Variants in MDGA2 observed in about 807,000 individuals in gnomAD.
MDGA2 encodes MAM domain containing glycosylphosphatidylinositol anchor 2, also known as MAM domain-containing glycosylphosphatidylinositol anchor protein 2.
A neutral mutation model predicts 117.8 loss-of-function variants in MDGA2; 40 were observed. The ratio of observed to expected loss-of-function variants is 0.34; its 90% CI spans 0.26 to 0.44. MDGA2 has a LOEUF of 0.44. Among genes scored for constraint, MDGA2 ranks in the 20% least tolerant of loss-of-function variants. The probability of loss-of-function intolerance (pLI) is 1.00; values close to 1 mark genes in which losing one functional copy is unlikely to be tolerated. For missense variants in MDGA2, 1,123 were observed against 1,250.6 expected, an observed-to-expected ratio of 0.90 and a Z score of 1.54; for synonymous variants, 452 against 439.0, an observed-to-expected ratio of 1.03 and a Z score of -0.37.
At chr14:47,431,407 A>C (rs1892796307) in intron 1 of MDGA2, among the ~76,000 whole-genome samples, 1 of 152,030 alleles carries the variant, frequency 6.6e-6, no homozygotes, top group South Asian at 2.1e-4. Flanking sequence ...AAATAAAATT[A>C]TGATATTCAT....
chr14:46,877,540 A>G, intron 11 of MDGA2, 31 bp from the exon 12 acceptor site: 1 of 1,487,030 alleles, frequency 6.7e-7, no homozygotes, highest in Non-Finnish European at 9.2e-7. Context: ...ACAAACAAAC[A>G]AAAAAACAAT....
At chr14:47,296,354 T>C (rs1167179460) in intron 2 of MDGA2, among the ~76,000 whole-genome samples, 1 of 152,216 alleles carries the variant, frequency 6.6e-6, no homozygotes, top group African/African-American at 2.4e-5. Context: ...TTAAACAATC[T>C]TAAAACACAA....
chr14:47,432,056 C>G (rs1892810249), intron 1 of MDGA2, among the ~76,000 whole-genome samples: 1 of 152,020 alleles, frequency 6.6e-6, no homozygotes, highest in Admixed American at 6.6e-5. Flanking sequence ...ATGACCAACT[C>G]TTGAAAGACT....
chr14:47,660,512 T>TC, intron 1 of MDGA2, among the ~76,000 whole-genome samples: 1 of 152,310 alleles, frequency 6.6e-6, no homozygotes, highest in East Asian at 1.9e-4. Context: ...GAACTCACTG[T>TC]CAGCTAAGAG....
chr14:47,503,468 G>A (rs1894443816), intron 1 of MDGA2, among the ~76,000 whole-genome samples: 2 of 148,092 alleles, frequency 1.4e-5, no homozygotes, highest in Non-Finnish European at 3.0e-5. Flanking sequence ...TGTTGCCCAG[G>A]CTGGAGTGCA....
rs528901899 is a variant in MDGA2 at position 47,312,431 on chromosome 14, C to A, written c.281-10881G>T. ...TTTCAGTGGTAAAGAGAATATACTTCATTCTCCTGAATAAATTAATAAACA... is the reference window on the plus strand; with the variant it reads ...TTTCAGTGGTAAAGAGAATATACTTAATTCTCCTGAATAAATTAATAAACA... On this transcript the variant is annotated intron_variant, in intron 1 of 16. Transcript: ENST00000399232. Among the ~76,000 whole-genome samples, 7 of 152,252 alleles carry A rather than the reference C, an allele frequency of 4.6e-5. No individual in the cohort carries two copies. The South Asian group carries it at 1.2e-3, about 27-fold the overall frequency.
intron 3 of MDGA2, among the ~76,000 whole-genome samples, chr14:47,213,953 A>C (rs1885984469): frequency 6.6e-6 from 1 of 152,130 alleles, no homozygotes; most frequent in Admixed American, 6.6e-5. Context: ...CACAGAATGG[A>C]AAGAGTACCT....
intron 8 of MDGA2, among the ~76,000 whole-genome samples, chr14:46,986,422 C>T (rs1385399473): frequency 1.3e-5 from 2 of 151,958 alleles, no homozygotes; most frequent in East Asian, 3.9e-4. Flanking sequence ...CACTAAAGAC[C>T]ACATGAAATG....
At chr14:47,350,943 G>C (rs1007169164) in intron 1 of MDGA2, among the ~76,000 whole-genome samples, 1 of 152,164 alleles carries the variant, frequency 6.6e-6, no homozygotes, top group Non-Finnish European at 1.5e-5. Context: ...ACGGAGTCTC[G>C]CTGCAACACC....
At chr14:47,117,861 T>C (rs551101312) in intron 5 of MDGA2, among the ~76,000 whole-genome samples, 21 of 152,288 alleles carry the variant, frequency 1.4e-4, no homozygotes, top group African/African-American at 5.1e-4. Context: ...TCAACAATAA[T>C]GTACTGTGCA....
At chr14:46,862,987 C>A (rs1040218686) in intron 14 of MDGA2, among the ~76,000 whole-genome samples, 1 of 151,978 alleles carries the variant, frequency 6.6e-6, no homozygotes, top group East Asian at 1.9e-4. Context: ...ACATTAGAGT[C>A]CAAAATGTTT....
intron 1 of MDGA2, among the ~76,000 whole-genome samples, chr14:47,477,600 T>C (rs1566476608): frequency 6.6e-6 from 1 of 152,240 alleles, no homozygotes; most frequent in African/African-American, 2.4e-5. Flanking sequence ...TCAACTTTGA[T>C]TTCTATCTTG....
intron 10 of MDGA2, among the ~76,000 whole-genome samples, chr14:46,895,957 A>C (rs2933206): frequency 6.6e-6 from 1 of 151,862 alleles, no homozygotes; most frequent in Non-Finnish European, 1.5e-5. Flanking sequence ...ATTGCTACTA[A>C]AGTTCAATCT....
chr14:46,924,642 A>G (rs116564810), intron 9 of MDGA2, among the ~76,000 whole-genome samples: 1,824 of 152,194 alleles, frequency 0.012, 39 homozygotes, highest in African/African-American at 0.042. Context: ...AAATCTAGAT[A>G]AATAAAATGA....
At chr14:47,340,012 G>A (rs951344582) in intron 1 of MDGA2, among the ~76,000 whole-genome samples, 1 of 152,086 alleles carries the variant, frequency 6.6e-6, no homozygotes, top group Non-Finnish European at 1.5e-5. Flanking sequence ...TATCAAATAT[G>A]TATGCTCTAA....
At chr14:47,181,827 A>T (rs545669037) in intron 3 of MDGA2, among the ~76,000 whole-genome samples, 1 of 152,356 alleles carries the variant, frequency 6.6e-6, no homozygotes, top group South Asian at 2.1e-4. Context: ...AGTGTGGGTG[A>T]AATAAAAATT....
chr14:46,938,147 T>C (rs555477344), intron 9 of MDGA2, among the ~76,000 whole-genome samples: 21 of 152,152 alleles, frequency 1.4e-4, no homozygotes, highest in Admixed American at 1.4e-3. Flanking sequence ...ATGATCTGAA[T>C]AGACATTTAT....
In MDGA2 at chr14:47,227,914, A is replaced by C. The variant is rs368192145; in HGVS notation, c.421-9719T>G. Among the ~76,000 whole-genome samples the C allele has an allele frequency of 1.8e-4, 28 of 152,102 alleles. 2 individuals are homozygous for C. The highest frequency in any genetic ancestry group is 9.6e-4 in the East Asian group (5 of 5,182). On this transcript the variant is annotated intron_variant, in intron 2 of 16. Coordinates refer to ENST00000399232, the MANE Select transcript of MDGA2 (RefSeq NM_001113498.3). ...TACCATTTATGTAATGATGGCTCCTAAATTAGTATTTGTAGTTCAGGCCTT... is the reference window on the plus strand; with the variant it reads ...TACCATTTATGTAATGATGGCTCCTCAATTAGTATTTGTAGTTCAGGCCTT...
chr14:46,972,765 C>G (rs181057403), intron 8 of MDGA2, among the ~76,000 whole-genome samples: 1 of 152,032 alleles, frequency 6.6e-6, no homozygotes, highest in Middle Eastern at 3.2e-3. Context: ...AAAGAAGTAA[C>G]TTTTAAGCGG....
Sources: allele counts gnomAD v4.1 joint callset (sites outside exome capture counted in the v4.1 genomes callset), GRCh38; gene constraint gnomAD v4.1.1; transcripts MANE v1.5; gene names NCBI Gene and HGNC (gene_info 2026-07-23, HGNC 2026-07-21).